Variants in RNF213 observed in about 807,000 individuals in gnomAD.
RNF213 encodes the protein E3 ubiquitin-protein ligase RNF213.
RNF213 carries 341 observed loss-of-function variants against 514.4 expected under a neutral mutation model. That is an observed-to-expected ratio of 0.66 (90% CI 0.61 to 0.73). The LOEUF is 0.73. RNF213 is among the 30% of genes least tolerant of loss of function. The pLI is 0.00. For missense variants in RNF213, 5,767 were observed against 6,615.6 expected (o/e 0.87, Z 4.45); for synonymous variants, 2,655 against 2,658.2 (o/e 1.00, Z 0.04).
chr17:80,350,205 C>G (rs2078456627), intron 30 of RNF213, 96 bp from the exon 31 acceptor site: 1 of 859,612 alleles, frequency 1.2e-6, no homozygotes, highest in East Asian at 2.5e-5. Flanking sequence ...GTAGCTGTTT[C>G]TTTGTAGCCT....
chr17:80,295,935 A>G, intron 10 of RNF213, 122 bp downstream of exon 10: 1 of 1,046,476 alleles, frequency 9.6e-7, no homozygotes. Flanking sequence ...ACCACCCGTG[A>G]TTTTACCACT....
intron 13 of RNF213, 88 bp from the exon 14 acceptor site, chr17:80,308,930 T>G: frequency 6.6e-7 from 1 of 1,516,462 alleles, no homozygotes; most frequent in Non-Finnish European, 9.1e-7. Flanking sequence ...GTAGTTATTT[T>G]GAAGGAAGGA....
intron 15 of RNF213, chr17:80,316,064 T>G (rs1163010726): frequency 1.3e-5 from 2 of 151,928 alleles, no homozygotes; most frequent in African/African-American, 4.8e-5. Context: ...GTGATAGATA[T>G]TTGAACATGC....
intron 31 of RNF213, among the ~76,000 whole-genome samples, chr17:80,350,775 G>A (rs1320087373): frequency 6.6e-6 from 1 of 152,228 alleles, no homozygotes; most frequent in Non-Finnish European, 1.5e-5. Context: ...GTCCAGCCTA[G>A]GGGCCAGAGC....
Position 80,353,666 on chromosome 17 carries a change from T to G in RNF213, c.10578T>G (p.Asp3526Glu). The G allele has an allele frequency of 6.2e-7, 1 of 1,614,138 alleles. No homozygotes were observed. Among genetic ancestry groups the G allele is most frequent in the Non-Finnish European group, 8.5e-7 (1 of 1,180,014 alleles). ...AAACCTCTGAACTCGGAGGCAGTGA[T>G]GTAAGTTCTGGTTCTTGGGACCTCC... ...GKETSELGGS[D>E]VSILDTTRLL... Residue 3526 changes from aspartate to glutamate, a missense_variant and splice_region_variant, in exon 34 of 68, where the codon GAT becomes GAG. By Grantham distance (45) the Asp-to-Glu change is conservative. Transcript: ENST00000582970. The surrounding 1 kb of genome is among the most constrained non-coding windows in gnomAD (Gnocchi z 5.0).
At chr17:80,277,426 C>T (rs1428867000) in intron 3 of RNF213, among the ~76,000 whole-genome samples, 1 of 151,834 alleles carries the variant, frequency 6.6e-6, no homozygotes, top group Non-Finnish European at 1.5e-5. Context: ...GGGGAAACCC[C>T]GTCTCTACTA....
chr17:80,348,318 CCT>C (rs768797168), intron 29 of RNF213, 32 bp downstream of exon 29: 20 of 1,604,704 alleles, frequency 1.2e-5, no homozygotes, highest in Non-Finnish European at 1.3e-5. Context: ...TACCCTATCC[CCT>C]GTCACCCAAG....
chr17:80,281,917 C>T (rs760143212), intron 3 of RNF213, among the ~76,000 whole-genome samples: 3 of 152,084 alleles, frequency 2.0e-5, no homozygotes, highest in Non-Finnish European at 2.9e-5. Flanking sequence ...AGTGCAATGG[C>T]GTGATCTCGG....
intron 46 of RNF213, 89 bp from the exon 47 acceptor site, chr17:80,371,784 GA>G: frequency 1.4e-6 from 1 of 720,390 alleles, no homozygotes; most frequent in Non-Finnish European, 2.5e-6. Flanking sequence ...ACACACACAG[GA>G]CAGACGACCG....
intron 38 of RNF213, among the ~76,000 whole-genome samples, chr17:80,360,851 T>C (rs2079028994): frequency 6.6e-6 from 1 of 152,224 alleles, no homozygotes; most frequent in African/African-American, 2.4e-5. Context: ...AGGGTGGCCT[T>C]CTTTTCTAGG....
intron 54 of RNF213, among the ~76,000 whole-genome samples, chr17:80,378,012 C>T (rs570908060): frequency 9.3e-4 from 142 of 152,278 alleles, no homozygotes; most frequent in African/African-American, 3.1e-3. Flanking sequence ...CGTGGCTCTG[C>T]GGCGTGGGCT....
In RNF213 at chr17:80,317,011, G is replaced by C. The variant is rs556894157; in HGVS notation, c.2812-177G>C. Among the ~76,000 whole-genome samples the C allele has an allele frequency of 6.6e-6, 1 of 152,352 alleles. No homozygotes were observed. The highest frequency in any genetic ancestry group is 1.5e-5 in the Non-Finnish European group (1 of 68,036). Reference sequence around the variant, plus strand: ...CTCTGATTCTAGAAAGCCAACCTGGGCTGCTGTGACCGGCCACTAGCATGG... The same window carrying C: ...CTCTGATTCTAGAAAGCCAACCTGGCCTGCTGTGACCGGCCACTAGCATGG... On this transcript the variant is annotated intron_variant, in intron 15 of 67. Coordinates refer to ENST00000582970, the MANE Select transcript of RNF213 (RefSeq NM_001256071.3). The surrounding 1 kb of genome is among the most constrained non-coding windows in gnomAD (Gnocchi z 4.1).
intron 52 of RNF213, 147 bp downstream of exon 52, chr17:80,376,690 CAA>C: frequency 7.8e-7 from 1 of 1,284,112 alleles, no homozygotes; most frequent in African/African-American, 1.5e-5. Context: ...CTTGAGCACA[CAA>C]GATAGTGACA....
At chr17:80,384,290 C>G (rs950852661) in intron 59 of RNF213, among the ~76,000 whole-genome samples, 1 of 152,162 alleles carries the variant, frequency 6.6e-6, no homozygotes, top group Non-Finnish European at 1.5e-5. Flanking sequence ...ATGGGCAGAT[C>G]AAACAAAACT....
intron 31 of RNF213, among the ~76,000 whole-genome samples, chr17:80,350,971 T>C (rs951204841): frequency 3.3e-5 from 5 of 152,276 alleles, no homozygotes; most frequent in Admixed American, 3.3e-4. Context: ...AAATGCTTTT[T>C]TTCCTATTTA....
chr17:80,368,030 C>T lies in RNF213; in HGVS notation c.12042C>T (p.His4014=), dbSNP rs145210854. The T allele has an allele frequency of 4.4e-4, 713 of 1,614,268 alleles. 4 individuals carry two copies. The African/African-American group carries it at 8.0e-3, about 18-fold the overall frequency. The part of the protein sequence containing the change: ...AKDPVCLPCD[H]VHCLRCLRAW... Reference sequence around the variant, plus strand: ...ACCCCGTCTGTCTGCCCTGCGACCACGTGCACTGCCTGCGCTGCCTCAGGG... The same window carrying T: ...ACCCCGTCTGTCTGCCCTGCGACCATGTGCACTGCCTGCGCTGCCTCAGGG... Residue 4014 remains histidine, a synonymous_variant, in exon 44 of 68, where the codon CAC becomes CAT. Coordinates refer to ENST00000582970, the MANE Select transcript of RNF213 (RefSeq NM_001256071.3).
intron 57 of RNF213, 65 bp from the exon 58 acceptor site, chr17:80,382,911 TTTA>T (rs1167781648): frequency 9.8e-6 from 9 of 920,862 alleles, no homozygotes; most frequent in African/African-American, 3.3e-5. Flanking sequence ...TTATTTAGGG[TTTA>T]TTATACGCAG....
intron 54 of RNF213, among the ~76,000 whole-genome samples, chr17:80,379,155 T>G (rs1034694318): frequency 6.6e-6 from 1 of 152,152 alleles, no homozygotes; most frequent in Non-Finnish European, 1.5e-5. Flanking sequence ...ATGGTGCCAC[T>G]GCACTCCAGC....
At position 80,373,141 on chromosome 17, in the gene RNF213, T is replaced by C; in HGVS notation, c.12918T>C (p.Phe4306=). Residue 4306 remains phenylalanine, a synonymous_variant, in exon 49 of 68, where the codon TTT becomes TTC. Coordinates refer to ENST00000582970, the MANE Select transcript of RNF213 (RefSeq NM_001256071.3). ...SKPGRPHQWV[F]PKDVVKQQGL... is the part of the protein sequence containing the mutation. ...CCGGCCGCCCGCACCAGTGGGTGTT[T>C]CCCAAGGACGTTGTCAAGCAGCAGG... 6.2e-7 allele frequency: 1 copy of C among 1,612,252 alleles called. No individual in the cohort carries two copies. Among genetic ancestry groups the C allele is most frequent in the Non-Finnish European group, 8.5e-7 (1 of 1,179,904 alleles).
Sources: allele counts gnomAD v4.1 joint callset (sites outside exome capture counted in the v4.1 genomes callset), GRCh38; gene constraint gnomAD v4.1.1; non-coding constraint Gnocchi (gnomAD v3.1); transcripts MANE v1.5; gene names NCBI Gene and HGNC (gene_info 2026-07-23, HGNC 2026-07-21).